Variants in MYH6 observed in about 807,000 individuals in gnomAD.
The protein encoded by MYH6 is myosin heavy chain 6, also known as myosin-6.
MYH6 carries 126 observed loss-of-function variants against 223.2 expected under a neutral mutation model. The observed-to-expected ratio is 0.56, with a 90% CI of 0.49 to 0.65. The LOEUF is 0.65. MYH6 is among the 30% of genes least tolerant of loss of function. The pLI is 0.00. For missense variants in MYH6, 2,040 were observed against 2,536.4 expected, an observed-to-expected ratio of 0.80 and a Z score of 4.20; for synonymous variants, 978 against 1,010.2, an observed-to-expected ratio of 0.97 and a Z score of 0.61.
rs576034093 is a variant in MYH6, at chr14:23,408,054, G to A, written c.-47+199C>T. Among the ~76,000 whole-genome samples, 9 of 152,332 alleles carry A rather than the reference G, an allele frequency of 5.9e-5. No individual in the cohort carries two copies. In the South Asian group the frequency reaches 1.9e-3, roughly 32 times the overall value. On this transcript the variant is annotated intron_variant, in intron 1 of 38. Transcript: ENST00000405093. The stretch of plus-strand genomic sequence containing the variant: ...GCAGAGAAAGAAATGGAGAGTCAGA[G>A]AAGGAGAAAAGAGGTTTCTGGGTTT...
chr14:23,407,815 C>G lies in MYH6; in HGVS notation c.-46-207G>C, dbSNP rs550534874. 6.6e-6 allele frequency among the ~76,000 whole-genome samples: 1 copy of G among 151,836 alleles called. No homozygotes were observed. The highest frequency in any genetic ancestry group is 1.5e-5 in the Non-Finnish European group (1 of 67,974). ...ACCGAGTCAATATGAGTGCGAGGGACGGGGTGTGGAAACAGGGTTAGAAGC... is the reference window on the plus strand; with the variant it reads ...ACCGAGTCAATATGAGTGCGAGGGAGGGGGTGTGGAAACAGGGTTAGAAGC... On this transcript the variant is annotated intron_variant, in intron 1 of 38. Coordinates refer to ENST00000405093, the MANE Select transcript of MYH6 (RefSeq NM_002471.4). This position sits in a 1 kb window ranked among gnomAD's most constrained non-coding sequence, Gnocchi z 5.6.
At chr14:23,392,843 A>G in intron 24 of MYH6, 69 bp downstream of exon 24, 6 of 1,601,242 alleles carry the variant, frequency 3.7e-6, no homozygotes, top group Non-Finnish European at 5.1e-6. Flanking sequence ...GTGGAGGCGC[A>G]GCACCCTGCA....
At chr14:23,408,217 G>A (rs991521424) in intron 1 of MYH6, 36 bp downstream of exon 1, 5 of 985,222 alleles carry the variant, frequency 5.1e-6, no homozygotes, top group East Asian at 1.1e-4. Flanking sequence ...CTCTGTGGAC[G>A]GGCTGCAGGG....
intron 32 of MYH6, 144 bp downstream of exon 32, chr14:23,387,385 G>A (rs546941025): frequency 2.3e-6 from 3 of 1,319,066 alleles, no homozygotes; most frequent in Non-Finnish European, 3.2e-6. Flanking sequence ...GCAGTCATGG[G>A]TAGTGAATAG....
At chr14:23,385,065 A>G in intron 34 of MYH6, 24 bp from the exon 35 acceptor site, 1 of 1,613,880 alleles carries the variant, frequency 6.2e-7, no homozygotes. Context: ...GAGAAAAATG[A>G]TCAAATATAT....
chr14:23,398,618 C>T (rs996175863), intron 15 of MYH6, 110 bp downstream of exon 15: 12 of 1,329,012 alleles, frequency 9.0e-6, no homozygotes, highest in Non-Finnish European at 1.3e-5. Flanking sequence ...TGGCTTGACT[C>T]ATGGGCTCCC....
At chr14:23,396,483 C>G in intron 19 of MYH6, 63 bp from the exon 20 acceptor site, 2 of 1,600,286 alleles carry the variant, frequency 1.2e-6, no homozygotes, top group Non-Finnish European at 1.7e-6. Flanking sequence ...GGGTGGAAGA[C>G]CCTGGATGAG....
rs1396789989 is a variant in MYH6, at chr14:23,399,013, C to G, written c.1606G>C (p.Glu536Gln). 3 of 1,613,980 alleles carry G rather than the reference C, an allele frequency of 1.9e-6. No individual in the cohort carries two copies. The African/African-American group carries it at 4.0e-5, about 22-fold the overall frequency. ...GCCTTGGGGAACATGCACTCCTCCT[C>G]CAGGATGGACATGATGCCCATGGGC... is the stretch of plus-strand genomic sequence containing the variant. The part of the protein sequence containing the change: ...EKPMGIMSIL[E>Q]EECMFPKATD... The change falls in exon 15 of 39, where the codon GAG becomes CAG. Residue 536 changes from glutamate (E) to glutamine (Q), a missense_variant. Physicochemically the swap from Glu to Gln is conservative, Grantham distance 29. Around this residue, in one of 4 missense-constraint regions of MYH6, gnomAD observed 649 missense variants for 877.3 expected, o/e 0.74. Transcript: ENST00000405093.
intron 37 of MYH6, among the ~76,000 whole-genome samples, chr14:23,382,903 C>T (rs372618918): frequency 6.6e-6 from 1 of 152,220 alleles, no homozygotes; most frequent in African/African-American, 2.4e-5. Flanking sequence ...TTCCCCACTG[C>T]CCTGTGGCTA....
rs1595053304 is a variant in MYH6 at position 23,389,699 on chromosome 14, A to G, written c.3753T>C (p.Ser1251=). 1 of 1,614,134 alleles carries G rather than the reference A, an allele frequency of 6.2e-7. No homozygotes were observed. Among genetic ancestry groups the G allele is most frequent in the Non-Finnish European group, 8.5e-7 (1 of 1,180,026 alleles). Residue 1251 remains serine, a synonymous_variant, in exon 27 of 39, where the codon TCT becomes TCC. Coordinates refer to ENST00000405093, the MANE Select transcript of MYH6 (RefSeq NM_002471.4). ...IKAKANLEKV[S]RTLEDQANEY... ...CATTGGCCTGGTCCTCCAGCGTCCG[A>G]GACACTTTCTCCAGGTTTGCCTTCA...
At chr14:23,404,273 T>C (rs1891705600) in intron 8 of MYH6, 23 bp downstream of exon 8, 1 of 1,613,492 alleles carries the variant, frequency 6.2e-7, no homozygotes, top group Non-Finnish European at 8.5e-7. Flanking sequence ...ATGAGGCCAC[T>C]GGGAGTGGTC....
At chr14:23,383,357 G>C (rs1595046711) in intron 36 of MYH6, 37 bp from the exon 37 acceptor site, 2 of 1,460,050 alleles carry the variant, frequency 1.4e-6, no homozygotes. Flanking sequence ...GGTTTGGAGG[G>C]GGAGCAAATG....
At chr14:23,382,279 A>T in intron 38 of MYH6, 149 bp downstream of exon 38, 1 of 1,307,180 alleles carries the variant, frequency 7.7e-7, no homozygotes, top group Non-Finnish European at 1.1e-6. Context: ...GGCTGTTTTG[A>T]GCAGGAGAGT....
Position 23,405,741 on chromosome 14 carries a change from C to T in MYH6, c.231G>A (p.Leu77=), listed in dbSNP as rs1891766306. The T allele has an allele frequency of 5.0e-6, 8 of 1,614,126 alleles. No individual in the cohort carries two copies. The highest frequency in any genetic ancestry group is 6.8e-6 in the Non-Finnish European group (8 of 1,180,030). ...TGTCGAACTTGGGTGGGTTCTGCTG[C>T]AACACCTGGTCCTCCTTCACAGTCA... ...KTVTVKEDQV[L]QQNPPKFDKI... is the part of the protein sequence containing the mutation. Residue 77 remains leucine, a synonymous_variant, in exon 4 of 39, where the codon TTG becomes TTA. Coordinates refer to ENST00000405093, the MANE Select transcript of MYH6 (RefSeq NM_002471.4). The surrounding 1 kb of genome is among the most constrained non-coding windows in gnomAD (Gnocchi z 4.7).
rs768924353 is a variant in MYH6 at position 23,402,467 on chromosome 14, C to G, written c.1138G>C (p.Glu380Gln). The G allele has an allele frequency of 5.0e-6, 8 of 1,612,950 alleles. No homozygotes were observed. Among genetic ancestry groups the G allele is most frequent in the Non-Finnish European group, 5.9e-6 (7 of 1,179,984 alleles). The change falls in exon 12 of 39, where the codon GAA becomes CAA. Residue 380 changes from glutamate (E) to glutamine (Q), a missense_variant. Coordinates refer to ENST00000405093, the MANE Select transcript of MYH6 (RefSeq NM_002471.4). ...GCTGCCTGCCTGCCCCTCCCACCTT[C>G]GGTGCCGTCTGGCTCCGCCTGCTCC... is the stretch of plus-strand genomic sequence containing the variant. ...REEQAEPDGT[E>Q]DADKSAYLMG...
chr14:23,407,205 C>A lies in MYH6; in HGVS notation c.19G>T (p.Ala7Ser). MTDAQM[A>S]DFGAAAQYLR... ...TACTGGGCCGCTGCCCCAAAGTCAGCCATCTGGGCATCGGTCATCTTGGTG... is the reference window on the plus strand; with the variant it reads ...TACTGGGCCGCTGCCCCAAAGTCAGACATCTGGGCATCGGTCATCTTGGTG... Residue 7 changes from alanine to serine, a missense_variant, in exon 3 of 39, where the codon GCT becomes TCT. Physicochemically the swap from Ala to Ser is moderately conservative, Grantham distance 99. Transcript: ENST00000405093. This position sits in a 1 kb window ranked among gnomAD's most constrained non-coding sequence, Gnocchi z 5.6. The A allele has an allele frequency of 6.2e-7, 1 of 1,614,246 alleles. No homozygotes were observed. Among genetic ancestry groups the A allele is most frequent in the East Asian group, 2.2e-5 (1 of 44,886 alleles).
intron 30 of MYH6, 77 bp from the exon 31 acceptor site, chr14:23,388,000 C>A (rs1421394117): frequency 7.5e-6 from 12 of 1,606,244 alleles, no homozygotes; most frequent in African/African-American, 1.3e-5. Context: ...TGCCCCAGCC[C>A]CCAGCCTCAG....
intron 9 of MYH6, 104 bp downstream of exon 9, chr14:23,403,611 T>C (rs1454385391): frequency 4.8e-6 from 6 of 1,257,876 alleles, no homozygotes; most frequent in Non-Finnish European, 6.9e-6. Flanking sequence ...CAGAGGCAAA[T>C]GCAGACAAAA....
chr14:23,390,555 C>T, intron 25 of MYH6, 109 bp from the exon 26 acceptor site: 3 of 1,534,016 alleles, frequency 2.0e-6, no homozygotes, highest in Non-Finnish European at 2.6e-6. Context: ...CAGTGGTTCT[C>T]AACTAGGGGC....
Sources: allele counts gnomAD v4.1 joint callset (sites outside exome capture counted in the v4.1 genomes callset), GRCh38; gene constraint gnomAD v4.1.1; regional missense constraint gnomAD v4.1.1; non-coding constraint Gnocchi (gnomAD v3.1); transcripts MANE v1.5; gene names NCBI Gene and HGNC (gene_info 2026-07-23, HGNC 2026-07-21).